The following NRXN2 variants were observed in gnomAD, a reference collection of about 807,000 sequenced individuals.
NRXN2 encodes the protein neurexin 2.
In NRXN2, 29 loss-of-function variants were observed where a neutral mutation model predicts 128.8. The observed-to-expected ratio is 0.23, with a 90% CI of 0.17 to 0.31. NRXN2 has a LOEUF of 0.31. NRXN2 is among the 10% of genes least tolerant of loss of function. NRXN2 has a pLI of 1.00. For missense variants in NRXN2, 1,881 were observed against 2,452.6 expected (o/e 0.77, Z 4.92); for synonymous variants, 1,098 against 1,075.2 (o/e 1.02, Z -0.41).
intron 17 of NRXN2, among the ~76,000 whole-genome samples, chr11:64,647,207 T>TTGTGTG (rs10535079): frequency 7.3e-4 from 107 of 146,646 alleles, no homozygotes; most frequent in Middle Eastern, 6.9e-3. Flanking sequence ...AGACGCTTCG[T>TTGTGTG]TGTGTGTGTG....
intron 2 of NRXN2, among the ~76,000 whole-genome samples, chr11:64,706,346 C>G (rs1334545423): frequency 6.9e-6 from 1 of 145,794 alleles, no homozygotes; most frequent in Non-Finnish European, 1.5e-5. Flanking sequence ...CAACAGGCCC[C>G]GGTGTGTGAT....
intron 17 of NRXN2, among the ~76,000 whole-genome samples, chr11:64,647,338 A>T (rs1002931000): frequency 4.0e-5 from 6 of 151,828 alleles, no homozygotes; most frequent in African/African-American, 1.2e-4. Context: ...AGCAATGCTG[A>T]GGAGGCTGCA....
intron 1 of NRXN2, among the ~76,000 whole-genome samples, chr11:64,719,121 G>A (rs373824955): frequency 3.3e-5 from 5 of 152,280 alleles, no homozygotes; most frequent in South Asian, 4.1e-4. Context: ...AAAGTGTGTC[G>A]TATTAATGAT....
chr11:64,700,357 C>A (rs2055163172), intron 2 of NRXN2, among the ~76,000 whole-genome samples: 1 of 152,212 alleles, frequency 6.6e-6, no homozygotes, highest in South Asian at 2.1e-4. Context: ...AGTGCTTATT[C>A]CCCTGTGCTT....
intron 11 of NRXN2, among the ~76,000 whole-genome samples, chr11:64,655,423 G>A (rs923975065): frequency 1.3e-5 from 2 of 152,192 alleles, no homozygotes; most frequent in African/African-American, 4.8e-5. Context: ...AGAGGGGACA[G>A]GGGAGGCTGG....
rs767639894 is a variant in NRXN2, at chr11:64,648,328, G to T, written c.3294C>A (p.Thr1098=). ...TGGCACAGGACTCTTCAGTGCAGGT[G>T]GTGCTGGGGCCTGGAAGGGGCAGGA... ...QVERGCDGPS[T]TCTEESCANQ... Residue 1098 remains threonine (T), a synonymous_variant, in exon 17 of 23, where the codon ACC becomes ACA. Coordinates refer to ENST00000265459, the MANE Select transcript of NRXN2 (RefSeq NM_015080.4). The surrounding 1 kb of genome is among the most constrained non-coding windows in gnomAD (Gnocchi z 4.1). 6.2e-7 allele frequency: 1 copy of T among 1,614,238 alleles called. No homozygotes were observed. Among genetic ancestry groups the T allele is most frequent in the Non-Finnish European group, 8.5e-7 (1 of 1,180,048 alleles).
intron 2 of NRXN2, among the ~76,000 whole-genome samples, chr11:64,706,064 T>TTATA (rs149799719): frequency 6.6e-5 from 5 of 75,668 alleles, no homozygotes; most frequent in South Asian, 3.8e-4. Flanking sequence ...TACAGCACTT[T>TTATA]TATATATATA....
At chr11:64,678,607 T>C (rs933912440) in intron 6 of NRXN2, among the ~76,000 whole-genome samples, 4 of 152,174 alleles carry the variant, frequency 2.6e-5, no homozygotes, top group African/African-American at 9.7e-5. Context: ...GTGTCCCCAC[T>C]CTCATGTGGT....
At chr11:64,711,387 G>A (rs957646678) in intron 2 of NRXN2, among the ~76,000 whole-genome samples, 2 of 152,204 alleles carry the variant, frequency 1.3e-5, no homozygotes, top group Non-Finnish European at 2.9e-5. Flanking sequence ...GGCGGGGAGA[G>A]ACGCGCATGC....
At chr11:64,650,420 A>G in intron 15 of NRXN2, 28 bp downstream of exon 15, 1 of 1,612,408 alleles carries the variant, frequency 6.2e-7, no homozygotes, top group Non-Finnish European at 8.5e-7. Context: ...GGCTAGGGCC[A>G]GGCCTTCTCC....
chr11:64,676,968 GTAAGA>G lies in NRXN2; in HGVS notation c.1197+20_1197+24del, dbSNP rs2051408054. The stretch of plus-strand genomic sequence containing the variant: ...AAAAAAACCCACGGCAAACCAAACG[GTAAGA>G]CAATTAGAGTGATATCTACCAGATA... On this transcript the variant is annotated intron_variant, in intron 7 of 22. Transcript: ENST00000265459. 1 of 1,607,674 alleles carries G rather than the reference GTAAGA, an allele frequency of 6.2e-7. No individual in the cohort carries two copies. Among genetic ancestry groups the G allele is most frequent in the African/African-American group, 1.3e-5 (1 of 74,662 alleles).
At position 64,661,019 on chromosome 11, in the gene NRXN2, G is replaced by A. The variant is rs781093694; in HGVS notation, c.1919C>T (p.Pro640Leu). ...GLPEGGRVDL[P>L]LPPEVWTAAL... ...TGCTGTCCACACCTCTGGGGGCAGGGGCAGGTCCACCCGGCCCCCCTCAGG... is the reference window on the plus strand; with the variant it reads ...TGCTGTCCACACCTCTGGGGGCAGGAGCAGGTCCACCCGGCCCCCCTCAGG... Residue 640 changes from proline (P) to leucine (L), a missense_variant, in exon 10 of 23, where the codon CCC becomes CTC. Pro to Leu is a moderately conservative substitution (Grantham distance 98). Coordinates refer to ENST00000265459, the MANE Select transcript of NRXN2 (RefSeq NM_015080.4). 3 of 1,613,614 alleles carry A rather than the reference G, an allele frequency of 1.9e-6. No individual in the cohort carries two copies. The East Asian group carries it at 6.7e-5, about 36-fold the overall frequency.
At chr11:64,672,040 G>C (rs1390736572) in intron 7 of NRXN2, among the ~76,000 whole-genome samples, 1 of 152,192 alleles carries the variant, frequency 6.6e-6, no homozygotes, top group African/African-American at 2.4e-5. Context: ...AGGCCGAGTG[G>C]GTACTGAGCT....
chr11:64,653,867 G>A, intron 11 of NRXN2, 145 bp from the exon 12 acceptor site: 1 of 633,712 alleles, frequency 1.6e-6, no homozygotes, highest in Non-Finnish European at 2.8e-6. Context: ...GCGTGCCCAG[G>A]TGCCCTCTTC....
intron 12 of NRXN2, among the ~76,000 whole-genome samples, chr11:64,652,687 C>T (rs1257572600): frequency 6.6e-6 from 1 of 152,188 alleles, no homozygotes; most frequent in Non-Finnish European, 1.5e-5. Context: ...CCTCCATCTA[C>T]AATGGGACCC....
Position 64,713,056 on chromosome 11 carries a change from T to C in NRXN2, c.644A>G (p.Asn215Ser). 7.6e-7 allele frequency: 1 copy of C among 1,313,768 alleles called. No individual in the cohort carries two copies. The highest frequency in any genetic ancestry group is 9.6e-7 in the Non-Finnish European group (1 of 1,039,886). The allele number at this position is 1,313,768 out of a possible 1,614,324, so 81.4% of individuals were successfully genotyped here. Reference protein sequence around the residue: ...LCAPARNPCANGGLCTVLAPG... With the variant: ...LCAPARNPCASGGLCTVLAPG... Reference sequence around the variant, plus strand: ...GGCCAGCACGGTGCAGAGGCCGCCGTTGGCGCAGGGGTTGCGCGCGGGCGC... The same window carrying C: ...GGCCAGCACGGTGCAGAGGCCGCCGCTGGCGCAGGGGTTGCGCGCGGGCGC... The change falls in exon 2 of 23, where the codon AAC becomes AGC. Residue 215 changes from asparagine to serine, a missense_variant. This residue lies in a region of NRXN2 where 997 missense variants were observed against 1,240.8 expected (regional missense o/e 0.80). Coordinates refer to ENST00000265459, the MANE Select transcript of NRXN2 (RefSeq NM_015080.4).
At chr11:64,608,350 A>T (rs1026903318) in intron 22 of NRXN2, among the ~76,000 whole-genome samples, 4 of 152,220 alleles carry the variant, frequency 2.6e-5, no homozygotes, top group African/African-American at 9.6e-5. Context: ...ATCAAAAGGA[A>T]CAGAAAGGAA....
chr11:64,716,321 C>G (rs1182757447), intron 1 of NRXN2, among the ~76,000 whole-genome samples: 1 of 152,092 alleles, frequency 6.6e-6, no homozygotes, highest in African/African-American at 2.4e-5. Context: ...CCTGCCATGG[C>G]CACATCCACC....
rs1349511435 is a variant in NRXN2, at chr11:64,648,672, C to G, written c.3283+62G>C. On this transcript the variant is annotated intron_variant, in intron 16 of 22. Transcript: ENST00000265459. The surrounding 1 kb of genome is among the most constrained non-coding windows in gnomAD (Gnocchi z 4.1). Reference sequence around the variant, plus strand: ...GCAAAGGCTACCTGCCCCGGTCTGCCTCTGCAGCTGGCCATCCTGTAGCCA... The same window carrying G: ...GCAAAGGCTACCTGCCCCGGTCTGCGTCTGCAGCTGGCCATCCTGTAGCCA... 3.4e-5 allele frequency: 55 copies of G among 1,604,410 alleles called. No homozygotes were observed. Among genetic ancestry groups the G allele is most frequent in the Non-Finnish European group, 4.7e-5 (55 of 1,173,126 alleles).
Sources: gnomAD v4.1 joint callset for allele counts (sites outside exome capture counted in the v4.1 genomes callset) on GRCh38, gnomAD v4.1.1 for gene constraint, gnomAD v4.1.1 regional missense constraint, Gnocchi (gnomAD v3.1) non-coding constraint, MANE v1.5 for transcripts, NCBI Gene and HGNC (gene_info 2026-07-23, HGNC 2026-07-21) for gene names.